SYF2: variants seen among roughly 807,000 people sequenced by gnomAD.
The protein encoded by SYF2 is pre-mRNA-splicing factor SYF2.
In SYF2, 21 loss-of-function variants were observed where a neutral mutation model predicts 32.7. That is an observed-to-expected ratio of 0.64 (90% confidence interval 0.45 to 0.92). The LOEUF is 0.92. Among genes scored for constraint, SYF2 ranks in the 40% least tolerant of loss-of-function variants. SYF2 has a pLI of 0.00. For synonymous variants in SYF2, 114 were observed against 103.9 expected, an observed-to-expected ratio of 1.10 and a Z score of -0.59; for missense variants, 278 against 296.5, an observed-to-expected ratio of 0.94 and a Z score of 0.46.
At chr1:25,228,006 T>G in intron 4 of SYF2, 112 bp downstream of exon 4, 1 of 828,852 alleles carries the variant, frequency 1.2e-6, no homozygotes. Context: ...GTCTTAAGCC[T>G]CATCAAGAAT....
At position 25,229,067 on chromosome 1, in the gene SYF2, T is replaced by C; in HGVS notation, c.189A>G (p.Lys63=). The change falls in exon 3 of 7, where the codon AAA becomes AAG. Residue 63 remains lysine (K), a synonymous_variant. Transcript: ENST00000236273. ...TTTTGGCTTCCCAATTTGCAGGTAATTTTAGTCTTTTATCTTCTTCCACAA... is the reference window on the plus strand; with the variant it reads ...TTTTGGCTTCCCAATTTGCAGGTAACTTTAGTCTTTTATCTTCTTCCACAA... ...QEVVEEDKRL[K]LPANWEAKKA... is the part of the protein sequence containing the mutation. The C allele has an allele frequency of 1.9e-6, 3 of 1,614,102 alleles. No homozygotes were observed. The highest frequency in any genetic ancestry group is 4.5e-5 in the East Asian group (2 of 44,876).
rs183927883 is a variant in SYF2 at position 25,229,132 on chromosome 1, G to A, written c.133-9C>T. On this transcript the variant is annotated splice_polypyrimidine_tract_variant and intron_variant, in intron 2 of 6. Transcript: ENST00000236273. Reference sequence around the variant, plus strand: ...AATTTACGAGCTTCATTCTAAAACCGTAACACAAGAAGTCTGTCAGCTAAA... The same window carrying A: ...AATTTACGAGCTTCATTCTAAAACCATAACACAAGAAGTCTGTCAGCTAAA... 3.2e-3 allele frequency: 5,111 copies of A among 1,608,648 alleles called. 13 individuals carry two copies. Among genetic ancestry groups the A allele is most frequent in the Non-Finnish European group, 3.9e-3 (4,539 of 1,178,456 alleles).
At chr1:25,229,543 G>A (rs1168443935) in intron 2 of SYF2, among the ~76,000 whole-genome samples, 1 of 152,164 alleles carries the variant, frequency 6.6e-6, no homozygotes, top group African/African-American at 2.4e-5. Flanking sequence ...GGGAGGCTGA[G>A]GCAGGTGGAT....
Position 25,227,491 on chromosome 1 carries a change from T to C in SYF2, c.418A>G (p.Lys140Glu), listed in dbSNP as rs763406559. Residue 140 changes from lysine (K) to glutamate (E), a missense_variant, in exon 5 of 7, where the codon AAG (lysine) becomes GAG (glutamate). Transcript: ENST00000236273. ...AQLRQYHRLT[K>E]QIKPDMETYE... is the part of the protein sequence containing the mutation. ...GTTTCCATGTCAGGTTTGATCTGCT[T>C]GGTCAACCGATGATACTGGCGTAAC... The C allele has an allele frequency of 1.9e-6, 3 of 1,613,810 alleles. No homozygotes were observed. Among genetic ancestry groups the C allele is most frequent in the African/African-American group, 2.7e-5 (2 of 74,920 alleles).
chr1:25,228,125 T>C lies in SYF2; in HGVS notation c.369A>G (p.Gly123=), dbSNP rs202213932. ...AATAAAGGTCAATCTGACCTGAAAA[T>C]CCCAGATCAGGGTTTTTCCTCTTCT... ...RKKKRKNPDL[G]FSDYAAAQLR... Residue 123 remains glycine (G), a synonymous_variant, in exon 4 of 7, where the codon GGA becomes GGG. Coordinates refer to ENST00000236273, the MANE Select transcript of SYF2 (RefSeq NM_015484.5). 6.0e-5 allele frequency: 97 copies of C among 1,612,442 alleles called. No homozygotes were observed. Among genetic ancestry groups the C allele is most frequent in the Non-Finnish European group, 8.1e-5 (96 of 1,178,730 alleles).
At chr1:25,229,943 A>C (rs568926039) in intron 2 of SYF2, among the ~76,000 whole-genome samples, 4 of 152,160 alleles carry the variant, frequency 2.6e-5, no homozygotes, top group African/African-American at 9.6e-5. Flanking sequence ...CAGCCTCCCG[A>C]GTAGCTGGGG....
intron 6 of SYF2, among the ~76,000 whole-genome samples, 184 bp from the exon 7 acceptor site, chr1:25,223,615 C>A (rs568239871): frequency 6.6e-6 from 1 of 152,270 alleles, no homozygotes; most frequent in African/African-American, 2.4e-5. Context: ...AGAATATGAA[C>A]TGTGAAATCC....
Position 25,223,000 on chromosome 1 carries a change from G to T in SYF2, c.*266C>A. 1 of 245,864 alleles carries T rather than the reference G, an allele frequency of 4.1e-6. No homozygotes were observed. The highest frequency in any genetic ancestry group is 9.6e-5 in the South Asian group (1 of 10,384). 15.2% of individuals were successfully genotyped at this position (245,864 alleles called of 1,614,324 possible). A position where few individuals can be genotyped will look rare whatever the true frequency, so the allele number is the denominator to read the frequency against. On this transcript the variant is annotated 3_prime_UTR_variant, in exon 7 of 7. Coordinates refer to ENST00000236273, the MANE Select transcript of SYF2 (RefSeq NM_015484.5). Reference sequence around the variant, plus strand: ...CAGCCATATACATTTAAAATACATAGAAAAATAATATAATTAGAATGTATA... The same window carrying T: ...CAGCCATATACATTTAAAATACATATAAAAATAATATAATTAGAATGTATA...
Position 25,222,907 on chromosome 1 carries a change from T to G in SYF2, c.*359A>C, listed in dbSNP as rs186257993. ...TAGACTCTATCAAATTCCACACTGA[T>G]AGCAACAATGACTGCATCTGATGTG... On this transcript the variant is annotated 3_prime_UTR_variant, in exon 7 of 7. Coordinates refer to ENST00000236273, the MANE Select transcript of SYF2 (RefSeq NM_015484.5). 1 of 163,752 alleles carries G rather than the reference T, an allele frequency of 6.1e-6. No individual in the cohort carries two copies. Among genetic ancestry groups the G allele is most frequent in the African/African-American group, 2.4e-5 (1 of 41,536 alleles). The allele number at this position is 163,752 out of a possible 1,614,324, so 10.1% of individuals were successfully genotyped here. A position where few individuals can be genotyped will look rare whatever the true frequency, so the allele number is the denominator to read the frequency against.
Position 25,229,127 on chromosome 1 carries a change from A to C in SYF2, c.133-4T>G, listed in dbSNP as rs1268305397. On this transcript the variant is annotated splice_region_variant and splice_polypyrimidine_tract_variant and intron_variant, in intron 2 of 6. Transcript: ENST00000236273. ...GATTTAATTTACGAGCTTCATTCTA[A>C]AACCGTAACACAAGAAGTCTGTCAG... 1 of 1,610,246 alleles carries C rather than the reference A, an allele frequency of 6.2e-7. No individual in the cohort carries two copies. The highest frequency in any genetic ancestry group is 8.5e-7 in the Non-Finnish European group (1 of 1,179,062).
intron 6 of SYF2, among the ~76,000 whole-genome samples, chr1:25,224,573 A>G (rs756062275): frequency 2.6e-5 from 4 of 152,162 alleles, no homozygotes; most frequent in Admixed American, 1.3e-4. Context: ...ACTATTCTTA[A>G]TACTTTTCAT....
Position 25,222,447 on chromosome 1 carries a change from C to T in SYF2, c.*819G>A, listed in dbSNP as rs190641564. On this transcript the variant is annotated 3_prime_UTR_variant, in exon 7 of 7. Transcript: ENST00000236273. ...GATGAAATTATATATCTAGTATATGCGTCAAAATAAGAGTCATGAAGAAAG... is the reference window on the plus strand; with the variant it reads ...GATGAAATTATATATCTAGTATATGTGTCAAAATAAGAGTCATGAAGAAAG... Among the ~76,000 whole-genome samples the T allele has an allele frequency of 2.0e-5, 3 of 150,576 alleles. No homozygotes were observed. The highest frequency in any genetic ancestry group is 1.9e-4 in the East Asian group (1 of 5,154).
At chr1:25,232,064 G>T in intron 2 of SYF2, 40 bp downstream of exon 2, 1 of 1,591,318 alleles carries the variant, frequency 6.3e-7, no homozygotes. Flanking sequence ...CACAGGCTTG[G>T]CCAGATGACG....
At position 25,222,568 on chromosome 1, in the gene SYF2, T is replaced by C. The variant is rs942948400; in HGVS notation, c.*698A>G. 1 of 152,236 alleles carries C rather than the reference T, an allele frequency of 6.6e-6. No individual in the cohort carries two copies. Among genetic ancestry groups the C allele is most frequent in the African/African-American group, 2.4e-5 (1 of 41,548 alleles). The allele number at this position is 152,236 out of a possible 1,614,324, so 9.4% of individuals were successfully genotyped here. A position where few individuals can be genotyped will look rare whatever the true frequency, so the allele number is the denominator to read the frequency against. ...GGACTCACCAGGGGTATTGGGTGTA[T>C]GGAATTTCCCATAATAAAATATTCT... On this transcript the variant is annotated 3_prime_UTR_variant, in exon 7 of 7. Transcript: ENST00000236273.
intron 3 of SYF2, among the ~76,000 whole-genome samples, chr1:25,228,621 C>T (rs1638564720): frequency 6.6e-6 from 1 of 152,200 alleles, no homozygotes; most frequent in African/African-American, 2.4e-5. Context: ...CAGGCATGAG[C>T]CACTGCACCC....
rs769370561 is a variant in SYF2 at position 25,222,628 on chromosome 1, T to C, written c.*638A>G. On this transcript the variant is annotated 3_prime_UTR_variant, in exon 7 of 7. Transcript: ENST00000236273. ...TGTAGAATGGAAGCATGTATGTATA[T>C]AAACAAATGTATATATACAAATGTT... 1.1e-4 allele frequency: 16 copies of C among 152,206 alleles called. No individual in the cohort carries two copies. Among genetic ancestry groups the C allele is most frequent in the Non-Finnish European group, 1.8e-4 (12 of 68,046 alleles). The allele number at this position is 152,206 out of a possible 1,614,324, so 9.4% of individuals were successfully genotyped here. A position where few individuals can be genotyped will look rare whatever the true frequency, so the allele number is the denominator to read the frequency against.
In SYF2 at chr1:25,223,222, T is replaced by G; in HGVS notation, c.*44A>C. 6.5e-7 allele frequency: 1 copy of G among 1,530,674 alleles called. No homozygotes were observed. Among genetic ancestry groups the G allele is most frequent in the Non-Finnish European group, 8.8e-7 (1 of 1,137,554 alleles). The allele number at this position is 1,530,674 out of a possible 1,614,324, so 94.8% of individuals were successfully genotyped here. A position where few individuals can be genotyped will look rare whatever the true frequency, so the allele number is the denominator to read the frequency against. ...AAGAACTTGATTTTGCTAGCAGAAA[T>G]TTTTACCCCATTCTCAAGCTTCTAT... On this transcript the variant is annotated 3_prime_UTR_variant, in exon 7 of 7. Transcript: ENST00000236273.
At position 25,223,154 on chromosome 1, in the gene SYF2, A is replaced by C. The variant is rs1017074148; in HGVS notation, c.*112T>G. 1.3e-5 allele frequency: 12 copies of C among 916,258 alleles called. No homozygotes were observed. Among genetic ancestry groups the C allele is most frequent in the Middle Eastern group, 7.2e-4 (2 of 2,794 alleles). 56.8% of individuals were successfully genotyped at this position (916,258 alleles called of 1,614,324 possible). A position where few individuals can be genotyped will look rare whatever the true frequency, so the allele number is the denominator to read the frequency against. On this transcript the variant is annotated 3_prime_UTR_variant, in exon 7 of 7. Coordinates refer to ENST00000236273, the MANE Select transcript of SYF2 (RefSeq NM_015484.5). ...TTTTATTTCTAAATGCTGAGTGAGA[A>C]GGCATGGACTACTAAATTCTGGATT...
At chr1:25,224,718 A>G (rs562423534) in intron 6 of SYF2, among the ~76,000 whole-genome samples, 1 of 152,348 alleles carries the variant, frequency 6.6e-6, no homozygotes, top group East Asian at 1.9e-4. Flanking sequence ...GGGAGTGGTT[A>G]AAGTAAAATC....
Sources: gnomAD v4.1 joint callset for allele counts (sites outside exome capture counted in the v4.1 genomes callset) on GRCh38, gnomAD v4.1.1 for gene constraint, MANE v1.5 for transcripts, NCBI Gene and HGNC (gene_info 2026-07-23, HGNC 2026-07-21) for gene names.